LAMB1: variants seen among roughly 807,000 people sequenced by gnomAD.
The protein encoded by LAMB1 is laminin subunit beta 1.
LAMB1 carries 121 observed loss-of-function variants against 222.3 expected under a neutral mutation model. The ratio of observed to expected loss-of-function variants is 0.54; its 90% confidence interval spans 0.47 to 0.63. The LOEUF is 0.63. Among genes scored for constraint, LAMB1 ranks in the 30% least tolerant of loss-of-function variants. LAMB1 has a pLI of 0.00. For missense variants in LAMB1, 2,172 were observed against 2,240.8 expected (o/e 0.97, Z 0.62); for synonymous variants, 794 against 807.2 (o/e 0.98, Z 0.28).
In LAMB1 at chr7:107,959,422, C is replaced by G. The variant is rs775725670; in HGVS notation, c.2517G>C (p.Gln839His). Reference sequence around the variant, plus strand: ...CATACACTCCCTGGAAACAGTGGCACTGGCCAGTGACGGGATTGCAGAAGG... The same window carrying G: ...CATACACTCCCTGGAAACAGTGGCAGTGGCCAGTGACGGGATTGCAGAAGG... ...VNAFCNPVTGQCHCFQGVYAR... is the reference protein window; with the variant it reads ...VNAFCNPVTGHCHCFQGVYAR... The change falls in exon 20 of 34, where the codon CAG becomes CAC. Residue 839 changes from glutamine to histidine, a missense_variant. Gln to His is a conservative substitution (Grantham distance 24). Coordinates refer to ENST00000222399, the MANE Select transcript of LAMB1 (RefSeq NM_002291.3). The G allele has an allele frequency of 6.2e-7, 1 of 1,614,144 alleles. No homozygotes were observed. The highest frequency in any genetic ancestry group is 8.5e-7 in the Non-Finnish European group (1 of 1,180,054).
intron 5 of LAMB1, among the ~76,000 whole-genome samples, chr7:107,993,583 G>C (rs892815236): frequency 6.6e-6 from 1 of 152,202 alleles, no homozygotes. Context: ...TTTGGATCTA[G>C]ATGAACTCAG....
chr7:107,961,690 C>G lies in LAMB1; in HGVS notation c.1858-14G>C. The G allele has an allele frequency of 6.2e-7, 1 of 1,609,214 alleles. No homozygotes were observed. The highest frequency in any genetic ancestry group is 8.5e-7 in the Non-Finnish European group (1 of 1,176,022). ...GTGGTCGGGTAGCTAGAATAAGAAA[C>G]AAACAATGAAAAGATAGTTAGCCCA... On this transcript the variant is annotated splice_polypyrimidine_tract_variant and intron_variant, in intron 15 of 33. Coordinates refer to ENST00000222399, the MANE Select transcript of LAMB1 (RefSeq NM_002291.3).
chr7:107,929,956 G>A (rs939210779), intron 29 of LAMB1: 6 of 332,406 alleles, frequency 1.8e-5, no homozygotes, highest in Non-Finnish European at 2.3e-5. Context: ...AGACAGGAAC[G>A]GCAGAGTATG....
At chr7:107,936,123 A>G (rs1407701345) in intron 26 of LAMB1, among the ~76,000 whole-genome samples, 1 of 152,266 alleles carries the variant, frequency 6.6e-6, no homozygotes, top group Non-Finnish European at 1.5e-5. Context: ...GAATGTGTAC[A>G]GACTTTTTTC....
Position 107,929,435 on chromosome 7 carries a change from C to T in LAMB1, c.4722G>A (p.Leu1574=). 6.2e-7 allele frequency: 1 copy of T among 1,614,110 alleles called. No individual in the cohort carries two copies. ...ACCTTGCTCTTTTAGCTTCTTCTAACAACATCTCAGCTCTGGCAATGTCAG... is the reference window on the plus strand; with the variant it reads ...ACCTTGCTCTTTTAGCTTCTTCTAATAACATCTCAGCTCTGGCAATGTCAG... ...SAADIARAEM[L]LEEAKRASKS... is the part of the protein sequence containing the mutation. Residue 1574 remains leucine (L), a synonymous_variant, in exon 30 of 34, where the codon TTG becomes TTA. Coordinates refer to ENST00000222399, the MANE Select transcript of LAMB1 (RefSeq NM_002291.3).
intron 31 of LAMB1, among the ~76,000 whole-genome samples, chr7:107,928,580 C>T (rs1464693840): frequency 6.6e-6 from 1 of 151,724 alleles, no homozygotes; most frequent in East Asian, 1.9e-4. Flanking sequence ...GCAACCTCGA[C>T]CTCCCCGGTT....
chr7:107,978,745 T>G (rs1009923885), intron 8 of LAMB1, among the ~76,000 whole-genome samples: 1 of 152,204 alleles, frequency 6.6e-6, no homozygotes, highest in African/African-American at 2.4e-5. Flanking sequence ...TGTTTTCCTT[T>G]TATGTAAGGA....
chr7:107,965,806 A>C (rs2033623108), intron 13 of LAMB1, among the ~76,000 whole-genome samples: 1 of 152,098 alleles, frequency 6.6e-6, no homozygotes, highest in East Asian at 1.9e-4. Context: ...AGGCTTATTA[A>C]AAATGTCCCA....
At chr7:107,925,584 T>G (rs1220570698) in intron 32 of LAMB1, among the ~76,000 whole-genome samples, 1 of 152,176 alleles carries the variant, frequency 6.6e-6, no homozygotes, top group Non-Finnish European at 1.5e-5. Context: ...TTTTTAATGT[T>G]CTCTTTAGAA....
chr7:107,973,171 A>C, intron 12 of LAMB1, 100 bp from the exon 13 acceptor site: 1 of 951,224 alleles, frequency 1.1e-6, no homozygotes. Context: ...GTTCCACCAA[A>C]TGCTCATTTT....
chr7:107,986,410 C>A, intron 5 of LAMB1, 47 bp from the exon 6 acceptor site: 1 of 1,506,800 alleles, frequency 6.6e-7, no homozygotes. Context: ...TATTGGTAGT[C>A]TCTACTTTTT....
intron 2 of LAMB1, chr7:108,002,468 C>T (rs2034410340): frequency 2.6e-5 from 33 of 1,260,818 alleles, no homozygotes; most frequent in Non-Finnish European, 3.4e-5. Flanking sequence ...CTCCGCTCAG[C>T]TCAGGCACTC....
At chr7:107,958,898 G>A (rs750595057) in intron 20 of LAMB1, among the ~76,000 whole-genome samples, 2 of 152,056 alleles carry the variant, frequency 1.3e-5, no homozygotes, top group African/African-American at 2.4e-5. Context: ...TTCTCCTTTC[G>A]CCTAAATTAG....
In LAMB1 at chr7:107,926,244, T is replaced by A; in HGVS notation, c.5003A>T (p.Glu1668Val). 6.2e-7 allele frequency: 1 copy of A among 1,614,026 alleles called. No homozygotes were observed. Among genetic ancestry groups the A allele is most frequent in the Admixed American group, 1.7e-5 (1 of 60,008 alleles). ...LKRKAAQNSG[E>V]AEYIEKVVYT... ...TACTACTTTTTCAATATATTCTGCC[T>A]CCCCGGAGTTTTGGGCAGCTTTCCG... The change falls in exon 32 of 34, where the codon GAG becomes GTG. Residue 1668 changes from glutamate to valine, a missense_variant. Glu to Val is a moderately radical substitution (Grantham distance 121). Transcript: ENST00000222399.
chr7:107,957,422 C>T (rs1260966163), intron 20 of LAMB1, among the ~76,000 whole-genome samples: 1 of 152,092 alleles, frequency 6.6e-6, no homozygotes, highest in Non-Finnish European at 1.5e-5. Context: ...CAACAAAAAG[C>T]CTGTAATCCC....
chr7:107,984,958 ACTT>A (rs1412104609), intron 7 of LAMB1, among the ~76,000 whole-genome samples: 2 of 152,196 alleles, frequency 1.3e-5, no homozygotes, highest in Non-Finnish European at 2.9e-5. Flanking sequence ...ATTGAGCTAC[ACTT>A]CTTCTCTAGA....
chr7:107,935,363 TTTTTTTTTTTG>T, intron 27 of LAMB1, 41 bp downstream of exon 27: 4 of 1,248,458 alleles, frequency 3.2e-6, no homozygotes, highest in Non-Finnish European at 4.1e-6. Flanking sequence ...TTTTTTTTTT[TTTTTTTTTTTG>T]CTTGGCACCA....
intron 8 of LAMB1, among the ~76,000 whole-genome samples, chr7:107,980,141 G>A (rs1344390338): frequency 6.6e-6 from 1 of 151,872 alleles, no homozygotes; most frequent in African/African-American, 2.4e-5. Flanking sequence ...CCAGGATGCG[G>A]ATGGTGCAGT....
Position 107,962,922 on chromosome 7 carries a change from T to C in LAMB1, c.1840A>G (p.Ile614Val), listed in dbSNP as rs2033541538. ...TTCTTTACCTGTGGCTCGTAGCGAATTAGGATGTCGTACTCCATGGAATAT... is the reference window on the plus strand; with the variant it reads ...TTCTTTACCTGTGGCTCGTAGCGAACTAGGATGTCGTACTCCATGGAATAT... ...IPYSMEYDIL[I>V]RYEPQLPDHW... The change falls in exon 15 of 34, where the codon ATT becomes GTT. Residue 614 changes from isoleucine to valine, a missense_variant. Physicochemically the swap from Ile to Val is conservative, Grantham distance 29. Coordinates refer to ENST00000222399, the MANE Select transcript of LAMB1 (RefSeq NM_002291.3). The C allele has an allele frequency of 6.2e-7, 1 of 1,613,094 alleles. No homozygotes were observed. Among genetic ancestry groups the C allele is most frequent in the African/African-American group, 1.3e-5 (1 of 74,852 alleles).
Sources: gnomAD v4.1 joint callset for allele counts (sites outside exome capture counted in the v4.1 genomes callset) on GRCh38, gnomAD v4.1.1 for gene constraint, MANE v1.5 for transcripts, NCBI Gene and HGNC (gene_info 2026-07-23, HGNC 2026-07-21) for gene names.